CYP19A1: variants seen among roughly 807,000 people sequenced by gnomAD.
CYP19A1 encodes the protein aromatase.
Under a neutral mutation model 44.4 loss-of-function variants are expected in CYP19A1, and 32 were observed. The ratio of observed to expected loss-of-function variants is 0.72; its 90% CI spans 0.54 to 0.97. CYP19A1 has a LOEUF of 0.97. CYP19A1 is among the 50% of genes least tolerant of loss of function. The probability of loss-of-function intolerance (pLI) is 0.00; values close to 1 mark genes in which losing one functional copy is unlikely to be tolerated. For synonymous variants in CYP19A1, 212 were observed against 215.6 expected (o/e 0.98, Z 0.14); for missense variants, 598 against 637.8 (o/e 0.94, Z 0.67).
intron 3 of CYP19A1, among the ~76,000 whole-genome samples, chr15:51,229,617 T>C (rs149693420): frequency 1.6e-3 from 237 of 152,226 alleles, no homozygotes; most frequent in African/African-American, 5.3e-3. Context: ...CTGGGGAATT[T>C]GTCTGACGTT....
intron 1 of CYP19A1, among the ~76,000 whole-genome samples, chr15:51,283,307 G>A (rs2035590828): frequency 1.3e-5 from 2 of 152,188 alleles, no homozygotes; most frequent in African/African-American, 4.8e-5. Flanking sequence ...ATTAATGGGC[G>A]AGAAAATGAA....
intron 3 of CYP19A1, among the ~76,000 whole-genome samples, chr15:51,230,818 C>T (rs987848298): frequency 2.6e-5 from 4 of 152,070 alleles, no homozygotes; most frequent in Non-Finnish European, 4.4e-5. Context: ...GACAGGGTTT[C>T]ACCATGTTGG....
intron 1 of CYP19A1, among the ~76,000 whole-genome samples, chr15:51,302,493 A>G (rs971016831): frequency 2.6e-5 from 4 of 152,274 alleles, no homozygotes; most frequent in East Asian, 1.9e-4. Context: ...ACAGTGGCCT[A>G]TTTTCATCAG....
chr15:51,306,362 T>G (rs1221188640), intron 1 of CYP19A1, among the ~76,000 whole-genome samples: 1 of 152,236 alleles, frequency 6.6e-6, no homozygotes, highest in Non-Finnish European at 1.5e-5. Flanking sequence ...TTTCTTCTTT[T>G]TTACATTTTT....
In CYP19A1 at chr15:51,209,827, G is replaced by A. The variant is rs2030756506; in HGVS notation, c.*981C>T. 1.3e-5 allele frequency: 2 copies of A among 156,024 alleles called. No homozygotes were observed. Among genetic ancestry groups the A allele is most frequent in the Non-Finnish European group, 2.8e-5 (2 of 70,698 alleles). 9.7% of individuals were successfully genotyped at this position (156,024 alleles called of 1,614,324 possible). On this transcript the variant is annotated 3_prime_UTR_variant, in exon 10 of 10. Coordinates refer to ENST00000396402, the MANE Select transcript of CYP19A1 (RefSeq NM_000103.4). ...AGGGAGAAGGATAAGGGGATGAGAG[G>A]AGTACCCCTTAGAAGTTTGAGCCCA...
intron 2 of CYP19A1, among the ~76,000 whole-genome samples, chr15:51,238,711 G>GGAGA (rs1312018653): frequency 6.6e-6 from 1 of 152,158 alleles, no homozygotes; most frequent in Non-Finnish European, 1.5e-5. Flanking sequence ...CTGTGACGCA[G>GGAGA]GAGAGATATA....
At chr15:51,297,787 GGT>G (rs1231424747) in intron 1 of CYP19A1, among the ~76,000 whole-genome samples, 1 of 136,560 alleles carries the variant, frequency 7.3e-6, no homozygotes, top group Non-Finnish European at 1.5e-5. Context: ...CCTGTTCATT[GGT>G]GTTTCTGGAG....
chr15:51,297,817 GACACACACACACACACACACAC>G (rs1159870053), intron 1 of CYP19A1, among the ~76,000 whole-genome samples: 14 of 111,790 alleles, frequency 1.3e-4, no homozygotes, highest in East Asian at 5.6e-4. Context: ...CTGTAGGCAT[GACACACACACACACACACACAC>G]ACACACACAC....
At chr15:51,264,020 A>G (rs899009528) in intron 1 of CYP19A1, among the ~76,000 whole-genome samples, 3 of 152,186 alleles carry the variant, frequency 2.0e-5, no homozygotes, top group African/African-American at 7.2e-5. Flanking sequence ...TATTTTTAGG[A>G]CACTGTAGGA....
intron 1 of CYP19A1, chr15:51,324,067 T>C (rs911615322): frequency 2.6e-5 from 4 of 152,258 alleles, no homozygotes; most frequent in African/African-American, 9.6e-5. Flanking sequence ...CTTCTGACAA[T>C]ATTCACAGAA....
chr15:51,329,087 T>G (rs1420597423), intron 1 of CYP19A1, among the ~76,000 whole-genome samples: 1 of 152,160 alleles, frequency 6.6e-6, no homozygotes. Flanking sequence ...TTCCTTATAA[T>G]AAATCTCTTT....
chr15:51,215,305 CA>C, intron 7 of CYP19A1, 73 bp from the exon 8 acceptor site: 1 of 1,601,028 alleles, frequency 6.2e-7, no homozygotes, highest in African/African-American at 1.3e-5. Flanking sequence ...AGGTGACACT[CA>C]AGGATCAACA....
intron 1 of CYP19A1, among the ~76,000 whole-genome samples, chr15:51,278,608 G>A (rs1450013702): frequency 6.6e-6 from 1 of 152,226 alleles, no homozygotes; most frequent in African/African-American, 2.4e-5. Context: ...ATGTATGTCG[G>A]AAATCCGAAG....
chr15:51,238,472 T>C (rs1566887513), intron 2 of CYP19A1, among the ~76,000 whole-genome samples: 2 of 152,234 alleles, frequency 1.3e-5, no homozygotes, highest in Admixed American at 6.5e-5. Flanking sequence ...GTATCTAATA[T>C]AAAGGATGAA....
intron 1 of CYP19A1, among the ~76,000 whole-genome samples, chr15:51,267,273 C>A (rs1468760147): frequency 6.6e-6 from 1 of 152,160 alleles, no homozygotes; most frequent in Non-Finnish European, 1.5e-5. Flanking sequence ...CGGTCTCCAG[C>A]CGGCTGCCTG....
chr15:51,301,929 A>T (rs1489852866), intron 1 of CYP19A1, among the ~76,000 whole-genome samples: 2 of 152,236 alleles, frequency 1.3e-5, no homozygotes, highest in Non-Finnish European at 2.9e-5. Context: ...AAAAATATTC[A>T]CAAGATTCCT....
intron 1 of CYP19A1, among the ~76,000 whole-genome samples, chr15:51,263,577 A>T (rs1022363101): frequency 6.6e-6 from 1 of 152,202 alleles, no homozygotes. Context: ...AGTGAGGAAG[A>T]GGTCAAAGAT....
chr15:51,241,100 A>G (rs2141118742), intron 2 of CYP19A1, among the ~76,000 whole-genome samples: 1 of 152,300 alleles, frequency 6.6e-6, no homozygotes, highest in East Asian at 1.9e-4. Context: ...TCTGACTGTC[A>G]GTGGATCAGC....
intron 6 of CYP19A1, 140 bp downstream of exon 6, chr15:51,218,401 T>A: frequency 7.7e-7 from 1 of 1,301,648 alleles, no homozygotes; most frequent in Non-Finnish European, 1.0e-6. Flanking sequence ...AAGTGTTTCA[T>A]CAGCAACTTA....
Sources: allele counts gnomAD v4.1 joint callset (sites outside exome capture counted in the v4.1 genomes callset), GRCh38; gene constraint gnomAD v4.1.1; transcripts MANE v1.5; gene names NCBI Gene and HGNC (gene_info 2026-07-23, HGNC 2026-07-21).